STXBP5L: variants seen among roughly 807,000 people sequenced by gnomAD.
STXBP5L encodes the protein syntaxin-binding protein 5-like.
Under a neutral mutation model 144.5 loss-of-function variants are expected in STXBP5L, and 65 were observed. The observed-to-expected ratio is 0.45, with a 90% confidence interval of 0.37 to 0.55. The LOEUF is 0.55. STXBP5L is among the 20% of genes least tolerant of loss of function. The pLI is 0.00. For missense variants in STXBP5L, 1,298 were observed against 1,405.5 expected (o/e 0.92, Z 1.22); for synonymous variants, 505 against 469.6 (o/e 1.08, Z -0.97).
Position 121,413,198 on chromosome 3 carries a change from C to T in STXBP5L, c.2989C>T (p.Pro997Ser), listed in dbSNP as rs866792906. 3.1e-6 allele frequency: 5 copies of T among 1,605,542 alleles called. No individual in the cohort carries two copies. The highest frequency in any genetic ancestry group is 4.2e-6 in the Non-Finnish European group (5 of 1,177,274). ...CCCAATGTTGGATGTTAATTATTTG[C>T]CACTGACAGACATGAGGATAGCACG... is the stretch of plus-strand genomic sequence containing the variant. ...LRPMLDVNYL[P>S]LTDMRIARTF... The change falls in exon 24 of 27, where the codon CCA becomes TCA. Residue 997 changes from proline (P) to serine (S), a missense_variant. Coordinates refer to ENST00000471454, the MANE Select transcript of STXBP5L (RefSeq NM_001308330.2).
intron 9 of STXBP5L, among the ~76,000 whole-genome samples, chr3:121,199,765 G>C (rs2048065938): frequency 2.0e-5 from 3 of 152,066 alleles, no homozygotes; most frequent in Admixed American, 2.0e-4. Context: ...CATTCGATCT[G>C]TTTATGTGAT....
At chr3:121,173,772 G>C (rs2046825576) in intron 9 of STXBP5L, among the ~76,000 whole-genome samples, 1 of 152,070 alleles carries the variant, frequency 6.6e-6, no homozygotes, top group African/African-American at 2.4e-5. Flanking sequence ...AATCGTGTCT[G>C]AAATGGTGGA....
intron 22 of STXBP5L, among the ~76,000 whole-genome samples, chr3:121,392,607 C>A (rs2046617679): frequency 6.6e-6 from 1 of 151,912 alleles, no homozygotes; most frequent in Non-Finnish European, 1.5e-5. Flanking sequence ...CCTTCCATTC[C>A]CCAGCTCCAC....
chr3:121,320,635 G>T (rs2043939756), intron 20 of STXBP5L, among the ~76,000 whole-genome samples: 1 of 151,218 alleles, frequency 6.6e-6, no homozygotes, highest in African/African-American at 2.4e-5. Flanking sequence ...CTTTGCCTAT[G>T]ATGTTTCTTC....
At chr3:121,059,519 G>T (rs753831699) in intron 5 of STXBP5L, among the ~76,000 whole-genome samples, 10 of 151,950 alleles carry the variant, frequency 6.6e-5, no homozygotes, top group Non-Finnish European at 7.4e-5. Context: ...AAGAATGTCA[G>T]TGGTAGCTTG....
intron 5 of STXBP5L, among the ~76,000 whole-genome samples, chr3:121,087,701 T>A (rs1424964928): frequency 1.3e-5 from 2 of 151,988 alleles, no homozygotes; most frequent in Non-Finnish European, 1.5e-5. Context: ...TTCTCCATTT[T>A]ATTTTTTGTT....
At chr3:121,385,579 T>G (rs2046409126) in intron 22 of STXBP5L, among the ~76,000 whole-genome samples, 1 of 152,194 alleles carries the variant, frequency 6.6e-6, no homozygotes, top group Non-Finnish European at 1.5e-5. Context: ...TTTAACACTC[T>G]TTCATTTCTG....
intron 7 of STXBP5L, among the ~76,000 whole-genome samples, chr3:121,145,369 A>T (rs890071458): frequency 3.3e-5 from 5 of 149,794 alleles, no homozygotes; most frequent in Admixed American, 2.7e-4. Context: ...TATCTTTATG[A>T]TGCTGAAAAA....
chr3:120,950,929 A>C, intron 2 of STXBP5L, among the ~76,000 whole-genome samples: 1 of 152,188 alleles, frequency 6.6e-6, no homozygotes. Flanking sequence ...AGTAACCAAA[A>C]CAGCATGGTA....
At position 121,203,637 on chromosome 3, in the gene STXBP5L, T is replaced by C. The variant is rs146826053; in HGVS notation, c.878-2286T>C. Among the ~76,000 whole-genome samples, 47 of 152,244 alleles carry C rather than the reference T, an allele frequency of 3.1e-4. 1 individual carries two copies. The East Asian group carries it at 8.3e-3, about 27-fold the overall frequency. On this transcript the variant is annotated intron_variant, in intron 9 of 26. Transcript: ENST00000471454. The stretch of plus-strand genomic sequence containing the variant: ...ACAAAAATTCTCTCCCAAGAATAAA[T>C]TGGTAGAGTTGGAAATTGAAGGAAA...
At chr3:121,314,805 C>T (rs983008438) in intron 19 of STXBP5L, among the ~76,000 whole-genome samples, 9 of 152,066 alleles carry the variant, frequency 5.9e-5, no homozygotes, top group African/African-American at 2.2e-4. Context: ...ACAAACAACC[C>T]CATCAAAAAA....
intron 3 of STXBP5L, among the ~76,000 whole-genome samples, chr3:120,977,425 A>T (rs1941192102): frequency 6.6e-6 from 1 of 151,710 alleles, no homozygotes; most frequent in African/African-American, 2.4e-5. Flanking sequence ...CTTTATTTTG[A>T]GCCTATATCT....
At chr3:120,973,296 C>T (rs1393199678) in intron 3 of STXBP5L, among the ~76,000 whole-genome samples, 3 of 151,908 alleles carry the variant, frequency 2.0e-5, no homozygotes, top group South Asian at 2.1e-4. Flanking sequence ...AGTTCAATCT[C>T]GGGCAGTTAT....
intron 18 of STXBP5L, among the ~76,000 whole-genome samples, chr3:121,273,643 G>T (rs2050793592): frequency 6.6e-6 from 1 of 151,856 alleles, no homozygotes; most frequent in Non-Finnish European, 1.5e-5. Flanking sequence ...GTGACTATTG[G>T]TTCTCTTGAT....
At chr3:121,093,398 G>C (rs1474922265) in intron 5 of STXBP5L, among the ~76,000 whole-genome samples, 1 of 152,054 alleles carries the variant, frequency 6.6e-6, no homozygotes, top group Non-Finnish European at 1.5e-5. Flanking sequence ...AATCCATCTG[G>C]TCCTGGACTC....
chr3:121,208,725 G>A (rs1453966451), intron 10 of STXBP5L, among the ~76,000 whole-genome samples: 2 of 152,010 alleles, frequency 1.3e-5, no homozygotes, highest in African/African-American at 4.8e-5. Flanking sequence ...TATATTAACT[G>A]TTCCTAGCAG....
At chr3:121,113,577 G>T (rs768842250) in intron 5 of STXBP5L, among the ~76,000 whole-genome samples, 2 of 151,792 alleles carry the variant, frequency 1.3e-5, no homozygotes, top group African/African-American at 2.4e-5. Context: ...TATGAAGTTT[G>T]GTTCAAAGAA....
chr3:121,044,343 G>T (rs1947362687), intron 4 of STXBP5L, among the ~76,000 whole-genome samples: 1 of 152,042 alleles, frequency 6.6e-6, no homozygotes, highest in African/African-American at 2.4e-5. Context: ...TTTTGGCTTA[G>T]AAATTATTAT....
At chr3:121,348,315 C>T (rs913134963) in intron 20 of STXBP5L, among the ~76,000 whole-genome samples, 2 of 151,974 alleles carry the variant, frequency 1.3e-5, no homozygotes, top group African/African-American at 2.4e-5. Context: ...GTCCACTTGA[C>T]CATGGTGGAT....
Sources: gnomAD v4.1 joint callset for allele counts (sites outside exome capture counted in the v4.1 genomes callset) on GRCh38, gnomAD v4.1.1 for gene constraint, MANE v1.5 for transcripts, NCBI Gene and HGNC (gene_info 2026-07-23, HGNC 2026-07-21) for gene names.